RYR2: variants seen among roughly 807,000 people sequenced by gnomAD.
RYR2 encodes the protein ryanodine receptor 2.
A neutral mutation model predicts 601.1 loss-of-function variants in RYR2; 227 were observed. The ratio of observed to expected loss-of-function variants is 0.38; its 90% CI spans 0.34 to 0.42. The LOEUF is 0.42. Ranked by LOEUF, RYR2 falls within the 10% of genes least tolerant of loss-of-function variation. The pLI is 1.00. For synonymous variants in RYR2, 2,223 were observed against 2,175.1 expected, an observed-to-expected ratio of 1.02 and a Z score of -0.61; for missense variants, 4,646 against 6,156.5, an observed-to-expected ratio of 0.75 and a Z score of 8.21.
chr1:237,448,618 C>T (rs991643539), intron 14 of RYR2, among the ~76,000 whole-genome samples: 2 of 152,024 alleles, frequency 1.3e-5, no homozygotes, highest in Non-Finnish European at 1.5e-5. Flanking sequence ...ATCTCTGTTT[C>T]TCCTTGCTGC....
rs764103963 is a variant in RYR2, at chr1:237,808,940, C to T, written c.14338C>T (p.Leu4780=). 4 of 1,612,988 alleles carry T rather than the reference C, an allele frequency of 2.5e-6. No individual in the cohort carries two copies. Among genetic ancestry groups the T allele is most frequent in the Non-Finnish European group, 3.4e-6 (4 of 1,179,058 alleles). ...TGGCTTATTAGCTGTTGTTGTATACCTATACACTGTGGTGGCATTCAATTT... is the reference window on the plus strand; with the variant it reads ...TGGCTTATTAGCTGTTGTTGTATACTTATACACTGTGGTGGCATTCAATTT... ...TVGLLAVVVY[L]YTVVAFNFFR... The change falls in exon 100 of 105, where the codon CTA becomes TTA. Residue 4780 remains leucine, a synonymous_variant. Transcript: ENST00000366574.
intron 11 of RYR2, among the ~76,000 whole-genome samples, chr1:237,418,429 CT>C (rs2150035802): frequency 6.6e-6 from 1 of 152,290 alleles, no homozygotes; most frequent in Non-Finnish European, 1.5e-5. Flanking sequence ...TCAGTCGTTT[CT>C]GCTCCTGTGT....
At chr1:237,407,636 A>C (rs766131672) in intron 10 of RYR2, among the ~76,000 whole-genome samples, 15 of 141,096 alleles carry the variant, frequency 1.1e-4, no homozygotes, top group Non-Finnish European at 2.0e-4. Context: ...TTTTAAATTG[A>C]GACGGAGTCT....
chr1:237,811,112 T>C (rs902500789), intron 100 of RYR2, among the ~76,000 whole-genome samples: 6 of 151,872 alleles, frequency 4.0e-5, no homozygotes, highest in African/African-American at 1.2e-4. Context: ...TTTAAAAGCC[T>C]AAGACAGTTT....
chr1:237,795,923 T>C (rs1311759516), intron 96 of RYR2, among the ~76,000 whole-genome samples: 1 of 24,148 alleles, frequency 4.1e-5, no homozygotes, highest in African/African-American at 7.7e-5. Flanking sequence ...TATGCACGCG[T>C]ATGTGTGTAC....
intron 1 of RYR2, among the ~76,000 whole-genome samples, chr1:237,167,646 T>C (rs879112442): frequency 6.6e-6 from 1 of 151,966 alleles, no homozygotes; most frequent in Admixed American, 6.6e-5. Context: ...AAATATGTAG[T>C]ATGTGAAATT....
rs543187791 is a variant in RYR2, at chr1:237,610,155, C to T, written c.4684-607C>T. 6.6e-6 allele frequency among the ~76,000 whole-genome samples: 1 copy of T among 152,346 alleles called. No individual in the cohort carries two copies. The highest frequency in any genetic ancestry group is 2.4e-5 in the African/African-American group (1 of 41,590). On this transcript the variant is annotated intron_variant, in intron 35 of 104. Transcript: ENST00000366574. This position sits in a 1 kb window ranked among gnomAD's most constrained non-coding sequence, Gnocchi z 4.9. ...TTTGGCAAAGCAGAGACCTCTCTTT[C>T]TTTGACACCAGACAGAAAGAATTAA...
intron 1 of RYR2, among the ~76,000 whole-genome samples, chr1:237,262,989 C>T (rs1424741146): frequency 6.6e-6 from 1 of 151,676 alleles, no homozygotes; most frequent in Admixed American, 6.6e-5. Context: ...AGATTATGTA[C>T]ACAAAGAGCA....
intron 2 of RYR2, among the ~76,000 whole-genome samples, chr1:237,306,793 G>T (rs1693916511): frequency 6.6e-6 from 1 of 152,024 alleles, no homozygotes; most frequent in Non-Finnish European, 1.5e-5. Context: ...AAGAATTTGG[G>T]GCATGAAAGG....
chr1:237,500,700 C>T lies in RYR2; in HGVS notation c.2204-11C>T, dbSNP rs756965937. 4 of 1,570,862 alleles carry T rather than the reference C, an allele frequency of 2.5e-6. No homozygotes were observed. The highest frequency in any genetic ancestry group is 3.5e-6 in the Non-Finnish European group (4 of 1,155,702). On this transcript the variant is annotated splice_polypyrimidine_tract_variant and intron_variant, in intron 20 of 104. Transcript: ENST00000366574. ...AATACATGACCTTCCTTAATGTTTT[C>T]CCCCCAATAGGTTGTATTGCTCGTA...
intron 79 of RYR2, among the ~76,000 whole-genome samples, chr1:237,741,357 T>C (rs1004895358): frequency 6.6e-6 from 1 of 152,098 alleles, no homozygotes; most frequent in Admixed American, 6.5e-5. Context: ...ATTAAAAATA[T>C]GTTTATGATT....
chr1:237,568,896 A>G (rs1572908687), intron 28 of RYR2, among the ~76,000 whole-genome samples: 1 of 152,320 alleles, frequency 6.6e-6, no homozygotes, highest in East Asian at 1.9e-4. Context: ...AGCTCTCAAA[A>G]TCATGACATA....
intron 2 of RYR2, among the ~76,000 whole-genome samples, chr1:237,323,645 T>G (rs974892): frequency 6.6e-6 from 1 of 152,076 alleles, no homozygotes; most frequent in Non-Finnish European, 1.5e-5. Flanking sequence ...CCATATGGGA[T>G]GCTACGAATT....
intron 1 of RYR2, among the ~76,000 whole-genome samples, chr1:237,198,355 G>A (rs953673877): frequency 4.6e-5 from 7 of 151,766 alleles, no homozygotes; most frequent in African/African-American, 1.7e-4. Context: ...GAATTGTGGT[G>A]TGCGGTGTTA....
intron 28 of RYR2, among the ~76,000 whole-genome samples, chr1:237,567,683 AT>A: frequency 6.6e-6 from 1 of 152,072 alleles, no homozygotes; most frequent in East Asian, 1.9e-4. Context: ...AAAATCATAG[AT>A]TTTTTTAAAG....
chr1:237,727,920 C>T (rs1480048054), intron 76 of RYR2, among the ~76,000 whole-genome samples: 1 of 152,080 alleles, frequency 6.6e-6, no homozygotes, highest in Non-Finnish European at 1.5e-5. Context: ...CTCTTTCCCA[C>T]TCTGAAGTTT....
chr1:237,111,689 A>C (rs1669497185), intron 1 of RYR2, among the ~76,000 whole-genome samples: 1 of 152,020 alleles, frequency 6.6e-6, no homozygotes, highest in South Asian at 2.1e-4. Context: ...ATCCAGTGGA[A>C]ATCTTTGCCA....
intron 73 of RYR2, among the ~76,000 whole-genome samples, chr1:237,720,902 A>T (rs1340091744): frequency 1.3e-5 from 2 of 152,246 alleles, no homozygotes; most frequent in Non-Finnish European, 2.9e-5. Context: ...CGTATTCAGG[A>T]GACAGGAAGA....
At position 237,784,216 on chromosome 1, in the gene RYR2, C is replaced by T. The variant is rs778416534; in HGVS notation, c.12504C>T (p.Ser4168=). The change falls in exon 90 of 105, where the codon TCC becomes TCT. Residue 4168 remains serine, a synonymous_variant. Transcript: ENST00000366574. This position sits in a 1 kb window ranked among gnomAD's most constrained non-coding sequence, Gnocchi z 7.1. ...GGGAGAAGCCCCAGGTCAAGGAGTC[C>T]AAAAGACAGTTCATATTTGACGTGG... ...TQWEKPQVKE[S]KRQFIFDVVN... 5 of 1,613,954 alleles carry T rather than the reference C, an allele frequency of 3.1e-6. No homozygotes were observed. In the South Asian group the frequency reaches 5.5e-5, roughly 18 times the overall value.
Sources: gnomAD v4.1 joint callset for allele counts (sites outside exome capture counted in the v4.1 genomes callset) on GRCh38, gnomAD v4.1.1 for gene constraint, Gnocchi (gnomAD v3.1) non-coding constraint, MANE v1.5 for transcripts, NCBI Gene and HGNC (gene_info 2026-07-23, HGNC 2026-07-21) for gene names.